Variants in NFIB observed in about 807,000 individuals in gnomAD.
NFIB encodes the protein nuclear factor 1 B-type.
NFIB carries 11 observed loss-of-function variants against 61.5 expected under a neutral mutation model. The ratio of observed to expected loss-of-function variants is 0.18; its 90% CI spans 0.11 to 0.30. The LOEUF (loss-of-function observed/expected upper bound fraction) is 0.30. Ranked by LOEUF, NFIB falls within the 10% of genes least tolerant of loss-of-function variation. NFIB has a pLI of 1.00. For missense variants in NFIB, 471 were observed against 608.9 expected (o/e 0.77, Z 2.38); for synonymous variants, 260 against 216.5 (o/e 1.20, Z -1.76).
At chr9:14,282,837 C>T (rs983954390) in intron 2 of NFIB, among the ~76,000 whole-genome samples, 22 of 152,200 alleles carry the variant, frequency 1.4e-4, no homozygotes, top group African/African-American at 5.1e-4. Flanking sequence ...ATACTTGTTC[C>T]TCCTTTTAAC....
intron 2 of NFIB, among the ~76,000 whole-genome samples, chr9:14,221,830 A>T (rs534403682): frequency 6.6e-6 from 1 of 152,210 alleles, no homozygotes; most frequent in Non-Finnish European, 1.5e-5. Flanking sequence ...TCTCTTCTCA[A>T]ACTAAACTGC....
chr9:14,437,104 CTCTGTGTCTCT>C, the NFIB span, among the ~76,000 whole-genome samples: 3 of 152,202 alleles, frequency 2.0e-5, no homozygotes, highest in Non-Finnish European at 4.4e-5. Flanking sequence ...CACTTGACCT[CTCTGTGTCTCT>C]ATTTCCTCAT....
chr9:14,274,145 T>A (rs2057825010), intron 2 of NFIB, among the ~76,000 whole-genome samples: 1 of 151,914 alleles, frequency 6.6e-6, no homozygotes, highest in Admixed American at 6.6e-5. Context: ...CAGATGCAAA[T>A]TATTTTTCAG....
At chr9:14,390,063 G>A (rs372697366) in intron 1 of NFIB, among the ~76,000 whole-genome samples, 5 of 152,102 alleles carry the variant, frequency 3.3e-5, no homozygotes, top group East Asian at 3.9e-4. Context: ...TCTGATCTCA[G>A]GGACAGTAAG....
At chr9:14,498,624 G>C in the NFIB span, among the ~76,000 whole-genome samples, 4 of 152,202 alleles carry the variant, frequency 2.6e-5, no homozygotes, top group African/African-American at 9.6e-5. Flanking sequence ...ATAAACTTCA[G>C]AGGAAATTTG....
At chr9:14,132,070 C>T (rs1048849844) in intron 6 of NFIB, among the ~76,000 whole-genome samples, 1 of 152,248 alleles carries the variant, frequency 6.6e-6, no homozygotes, top group Non-Finnish European at 1.5e-5. Context: ...TATAGTAACA[C>T]AATTTTTAAC....
At chr9:14,236,987 C>T (rs1040807017) in intron 2 of NFIB, among the ~76,000 whole-genome samples, 1 of 152,022 alleles carries the variant, frequency 6.6e-6, no homozygotes, top group African/African-American at 2.4e-5. Flanking sequence ...TCTTCTTCCC[C>T]TAACACCAGT....
chr9:14,116,152 C>A, intron 9 of NFIB, 56 bp downstream of exon 9: 1 of 1,423,188 alleles, frequency 7.0e-7, no homozygotes, highest in Non-Finnish European at 9.3e-7. Flanking sequence ...CTCTGATGGA[C>A]ATTTCTCATT....
chr9:14,327,297 G>A (rs765227402), intron 1 of NFIB, among the ~76,000 whole-genome samples: 1 of 152,160 alleles, frequency 6.6e-6, no homozygotes, highest in Non-Finnish European at 1.5e-5. Flanking sequence ...TTCAAATCCT[G>A]TGGCCAAATG....
chr9:14,491,095 C>T, the NFIB span, among the ~76,000 whole-genome samples: 61 of 152,256 alleles, frequency 4.0e-4, no homozygotes, highest in African/African-American at 1.3e-3. Flanking sequence ...TAAATCCTGG[C>T]TTTCCCACTT....
At chr9:14,242,215 T>G (rs2181403) in intron 2 of NFIB, among the ~76,000 whole-genome samples, 3 of 152,180 alleles carry the variant, frequency 2.0e-5, no homozygotes, top group African/African-American at 7.2e-5. Flanking sequence ...TATCTGCACA[T>G]TGAAAGAATT....
chr9:14,470,860 G>T, the NFIB span, among the ~76,000 whole-genome samples: 46 of 152,174 alleles, frequency 3.0e-4, 1 homozygote, highest in Admixed American at 2.0e-3. Flanking sequence ...ACCCTCATAG[G>T]CCTCAGTTTC....
At chr9:14,287,421 T>TC in intron 2 of NFIB, among the ~76,000 whole-genome samples, 1 of 149,970 alleles carries the variant, frequency 6.7e-6, no homozygotes, top group Middle Eastern at 3.4e-3. Flanking sequence ...AGACCGAGAC[T>TC]CCGTCAAAAA....
the NFIB span, among the ~76,000 whole-genome samples, chr9:14,508,785 C>G: frequency 3.0e-4 from 46 of 152,216 alleles, no homozygotes; most frequent in African/African-American, 1.1e-3. Context: ...TGTGCTAGTT[C>G]AAGCTGGTTT....
At chr9:14,401,228 G>A (rs1159752811), upstream of NFIB, among the ~76,000 whole-genome samples, 2 of 152,206 alleles carry the variant, frequency 1.3e-5, no homozygotes, top group East Asian at 1.9e-4. Context: ...TACCACACTA[G>A]GGATCAATCA....
At chr9:14,230,005 T>C (rs925502331) in intron 2 of NFIB, among the ~76,000 whole-genome samples, 1 of 152,174 alleles carries the variant, frequency 6.6e-6, no homozygotes, top group Non-Finnish European at 1.5e-5. Context: ...GTTTCTCCAA[T>C]GTCGTTCATG....
the NFIB span, among the ~76,000 whole-genome samples, chr9:14,523,164 T>C: frequency 6.6e-6 from 1 of 151,980 alleles, no homozygotes; most frequent in African/African-American, 2.4e-5. Context: ...AAGTGGGTCA[T>C]AAGAGTAGGG....
chr9:14,274,494 T>G (rs1008786925), intron 2 of NFIB, among the ~76,000 whole-genome samples: 1 of 152,168 alleles, frequency 6.6e-6, no homozygotes, highest in African/African-American at 2.4e-5. Context: ...TTCTTTGTCG[T>G]TTTTGTTTTT....
chr9:14,087,163 T>C lies in NFIB; in HGVS notation c.*1146A>G, dbSNP rs1034002693. 1 of 200,990 alleles carries C rather than the reference T, an allele frequency of 5.0e-6. No individual in the cohort carries two copies. Among genetic ancestry groups the C allele is most frequent in the African/African-American group, 2.3e-5 (1 of 43,482 alleles). 12.5% of individuals were successfully genotyped at this position (200,990 alleles called of 1,614,324 possible). A position where few individuals can be genotyped will look rare whatever the true frequency, so the allele number is the denominator to read the frequency against. On this transcript the variant is annotated 3_prime_UTR_variant, in exon 11 of 11. Coordinates refer to ENST00000380953, the MANE Select transcript of NFIB (RefSeq NM_001190737.2). ...AACCTTTTGTACACCCTATGGGTTC[T>C]TGATGCAACCAGTAATTTTAAATAA...
Sources: gnomAD v4.1 joint callset for allele counts (sites outside exome capture counted in the v4.1 genomes callset) on GRCh38, gnomAD v4.1.1 for gene constraint, MANE v1.5 for transcripts, NCBI Gene and HGNC (gene_info 2026-07-23, HGNC 2026-07-21) for gene names.